TMEM233: variants seen among roughly 807,000 people sequenced by gnomAD.
TMEM233 encodes dispanin subfamily B member 2.
In TMEM233, 6 loss-of-function variants were observed where a neutral mutation model predicts 11.2. That is an observed-to-expected ratio of 0.54 (90% CI 0.29 to 1.06). The LOEUF is 1.06. Ranked by LOEUF, TMEM233 falls within the 50% of genes least tolerant of loss-of-function variation. The pLI is 0.08. For missense variants in TMEM233, 127 were observed against 144.7 expected, an observed-to-expected ratio of 0.88 and a Z score of 0.63; for synonymous variants, 59 against 55.8, an observed-to-expected ratio of 1.06 and a Z score of -0.26.
downstream of TMEM233, among the ~76,000 whole-genome samples, chr12:119,644,045 GT>G (rs1051493609): frequency 2.6e-5 from 4 of 152,128 alleles, no homozygotes; most frequent in African/African-American, 9.7e-5. Flanking sequence ...GAAAGACAGT[GT>G]TTCTTCCCTA....
At chr12:119,602,041 G>T (rs1954179298) in intron 1 of TMEM233, among the ~76,000 whole-genome samples, 1 of 152,170 alleles carries the variant, frequency 6.6e-6, no homozygotes, top group Admixed American at 6.5e-5. Flanking sequence ...TTGTGGGCTG[G>T]CACTGTAAGC....
At position 119,633,046 on chromosome 12, in the gene TMEM233, A is replaced by G. The variant is rs189015805; in HGVS notation, c.323+3174A>G. Among the ~76,000 whole-genome samples the G allele has an allele frequency of 7.9e-5, 12 of 152,212 alleles. No individual in the cohort carries two copies. The East Asian group carries it at 2.3e-3, about 29-fold the overall frequency. ...TTGTGATTGAAGCTTTGTTAGGAAT[A>G]AAAGGTATGAGAAGGAGTTGCCTCT... is the stretch of plus-strand genomic sequence containing the variant. On this transcript the variant is annotated intron_variant, in intron 2 of 2. Coordinates refer to ENST00000426426, the MANE Select transcript of TMEM233 (RefSeq NM_001136534.3).
chr12:119,653,542 A>G, the TMEM233 span, among the ~76,000 whole-genome samples: 2 of 152,114 alleles, frequency 1.3e-5, no homozygotes, highest in Non-Finnish European at 1.5e-5. Context: ...ACTCCAATAC[A>G]TATGTTAAAG....
Position 119,624,299 on chromosome 12 carries a change from G to A in TMEM233, c.187-5437G>A, listed in dbSNP as rs537313088. On this transcript the variant is annotated intron_variant, in intron 1 of 2. Transcript: ENST00000426426. The stretch of plus-strand genomic sequence containing the variant: ...TACTTGAGCCCAGGAGGTCGAGGCT[G>A]CAGTGAGCCAAGATTGTGCCACTCC... Among the ~76,000 whole-genome samples the A allele has an allele frequency of 7.9e-5, 12 of 152,094 alleles. No homozygotes were observed. In the East Asian group the frequency reaches 2.3e-3, roughly 29 times the overall value.
At chr12:119,618,510 C>T (rs1012774170) in intron 1 of TMEM233, among the ~76,000 whole-genome samples, 1 of 152,214 alleles carries the variant, frequency 6.6e-6, no homozygotes, top group South Asian at 2.1e-4. Context: ...GGGGGCTGTA[C>T]CCTGCAAAGC....
In TMEM233 at chr12:119,631,944, A is replaced by G. The variant is rs77100192; in HGVS notation, c.323+2072A>G. On this transcript the variant is annotated intron_variant, in intron 2 of 2. Coordinates refer to ENST00000426426, the MANE Select transcript of TMEM233 (RefSeq NM_001136534.3). ...AATCCCATTATTACTAATATTATCA[A>G]TGTTACTGGGAAAGGACCTCAGAAT... Among the ~76,000 whole-genome samples, 248 of 152,306 alleles carry G rather than the reference A, an allele frequency of 1.6e-3. 1 individual carries two copies. The highest frequency in any genetic ancestry group is 5.8e-3 in the African/African-American group (239 of 41,558).
rs1014076658 is a variant in TMEM233 at position 119,595,374 on chromosome 12, C to A, written c.186+1340C>A. The stretch of plus-strand genomic sequence containing the variant: ...CCGTCCCCCATCAAGTCCGCCCACA[C>A]TTGCCCACGGGTGGTGGCACCATAT... On this transcript the variant is annotated intron_variant, in intron 1 of 2. Coordinates refer to ENST00000426426, the MANE Select transcript of TMEM233 (RefSeq NM_001136534.3). This position sits in a 1 kb window ranked among gnomAD's most constrained non-coding sequence, Gnocchi z 4.3. Among the ~76,000 whole-genome samples the A allele has an allele frequency of 6.6e-6, 1 of 152,264 alleles. No homozygotes were observed.
At chr12:119,630,940 G>A (rs1011256435) in intron 2 of TMEM233, 1 of 152,218 alleles carries the variant, frequency 6.6e-6, no homozygotes, top group Admixed American at 6.5e-5. Flanking sequence ...ATCTCATGAA[G>A]AGATGGATGC....
At chr12:119,621,049 T>C (rs1399208247) in intron 1 of TMEM233, among the ~76,000 whole-genome samples, 3 of 150,684 alleles carry the variant, frequency 2.0e-5, no homozygotes, top group African/African-American at 7.3e-5. Context: ...CCTGGCTTTT[T>C]TTTTTTTTTT....
intron 1 of TMEM233, among the ~76,000 whole-genome samples, chr12:119,625,163 G>A (rs1954725622): frequency 6.6e-6 from 1 of 152,162 alleles, no homozygotes; most frequent in South Asian, 2.1e-4. Context: ...AAGAATTAAT[G>A]GAAGGTTCCG....
intron 1 of TMEM233, among the ~76,000 whole-genome samples, chr12:119,615,192 A>C (rs1954499761): frequency 1.3e-5 from 2 of 148,366 alleles, no homozygotes; most frequent in Non-Finnish European, 3.0e-5. Flanking sequence ...AAAAAAAAAA[A>C]AAAAAAAAAA....
chr12:119,638,831 G>T (rs1955022752), intron 2 of TMEM233, among the ~76,000 whole-genome samples: 1 of 151,848 alleles, frequency 6.6e-6, no homozygotes, highest in African/African-American at 2.4e-5. Flanking sequence ...GAGCCCAGGA[G>T]TTCAAGACCA....
chr12:119,651,759 G>A, the TMEM233 span, among the ~76,000 whole-genome samples: 4 of 147,932 alleles, frequency 2.7e-5, no homozygotes, highest in East Asian at 2.0e-4. Context: ...CCAGGGAGTC[G>A]GAGGTTGCAG....
chr12:119,630,022 C>G, intron 2 of TMEM233, 150 bp downstream of exon 2: 3 of 929,918 alleles, frequency 3.2e-6, no homozygotes, highest in Non-Finnish European at 4.7e-6. Context: ...TTGTCCCAGT[C>G]CAGAGGGACA....
rs973290896 is a variant in TMEM233 at position 119,629,856 on chromosome 12, G to T, written c.307G>T (p.Val103Phe). 1 of 1,551,080 alleles carries T rather than the reference G, an allele frequency of 6.4e-7. No individual in the cohort carries two copies. Among genetic ancestry groups the T allele is most frequent in the Non-Finnish European group, 8.7e-7 (1 of 1,146,804 alleles). Reference protein sequence around the residue: ...GLLIIGISCAVHFTRNA With the variant: ...GLLIIGISCAFHFTRNA The stretch of plus-strand genomic sequence containing the variant: ...TCTCATCATCGGCATTTCTTGTGCA[G>T]TTCACTTCACAAGGAAGTAAGTAGG... The change falls in exon 2 of 3, where the codon GTT becomes TTT. Residue 103 changes from valine (V) to phenylalanine (F), a missense_variant. By Grantham distance (50) the Val-to-Phe change is conservative (BLOSUM62 -1). Coordinates refer to ENST00000426426, the MANE Select transcript of TMEM233 (RefSeq NM_001136534.3).
intron 1 of TMEM233, among the ~76,000 whole-genome samples, chr12:119,608,286 T>C (rs887246972): frequency 6.6e-6 from 1 of 152,188 alleles, no homozygotes; most frequent in African/African-American, 2.4e-5. Context: ...TTGAAAGACA[T>C]GTGGCCCATG....
At chr12:119,613,587 G>T (rs1407279987) in intron 1 of TMEM233, among the ~76,000 whole-genome samples, 1 of 152,154 alleles carries the variant, frequency 6.6e-6, no homozygotes, top group Non-Finnish European at 1.5e-5. Context: ...GCTGAGGCAG[G>T]ATGAACACTT....
At chr12:119,638,728 C>A (rs1018389519) in intron 2 of TMEM233, among the ~76,000 whole-genome samples, 1 of 152,054 alleles carries the variant, frequency 6.6e-6, no homozygotes, top group African/African-American at 2.4e-5. Context: ...GATGGGACGC[C>A]ACACTGCAGT....
In TMEM233 at chr12:119,595,672, G is replaced by T. The variant is rs559183033; in HGVS notation, c.186+1638G>T. 6.6e-6 allele frequency among the ~76,000 whole-genome samples: 1 copy of T among 152,260 alleles called. No individual in the cohort carries two copies. Among genetic ancestry groups the T allele is most frequent in the African/African-American group, 2.4e-5 (1 of 41,538 alleles). ...TTCATGACATAAATAATTGTAAAGT[G>T]CTTAGAACAGTGACCAGCACGGTAT... On this transcript the variant is annotated intron_variant, in intron 1 of 2. Coordinates refer to ENST00000426426, the MANE Select transcript of TMEM233 (RefSeq NM_001136534.3). The surrounding 1 kb of genome is among the most constrained non-coding windows in gnomAD (Gnocchi z 4.3).
Sources: gnomAD v4.1 joint callset for allele counts (sites outside exome capture counted in the v4.1 genomes callset) on GRCh38, gnomAD v4.1.1 for gene constraint, Gnocchi (gnomAD v3.1) non-coding constraint, MANE v1.5 for transcripts, NCBI Gene and HGNC (gene_info 2026-07-23, HGNC 2026-07-21) for gene names.